The following GHR variants were observed in gnomAD, a reference collection of about 807,000 sequenced individuals.
GHR encodes growth hormone receptor.
Under a neutral mutation model 67.1 loss-of-function variants are expected in GHR, and 35 were observed. The ratio of observed to expected loss-of-function variants is 0.52; its 90% confidence interval spans 0.40 to 0.69. The LOEUF (loss-of-function observed/expected upper bound fraction) is 0.69. Ranked by LOEUF, GHR falls within the 30% of genes least tolerant of loss-of-function variation. GHR has a pLI of 0.00. For synonymous variants in GHR, 272 were observed against 269.1 expected (o/e 1.01, Z -0.10); for missense variants, 792 against 764.6 (o/e 1.04, Z -0.42).
intron 3 of GHR, among the ~76,000 whole-genome samples, chr5:42,654,180 C>G (rs1755138309): frequency 6.6e-6 from 1 of 152,140 alleles, no homozygotes; most frequent in Admixed American, 6.6e-5. Flanking sequence ...CCATCGTTGT[C>G]TCTTACTAAC....
chr5:42,488,893 G>A (rs1173973458), intron 1 of GHR, among the ~76,000 whole-genome samples: 2 of 152,094 alleles, frequency 1.3e-5, no homozygotes, highest in South Asian at 4.2e-4. Flanking sequence ...AGACTATGTT[G>A]CCATCCCCAA....
chr5:42,694,776 C>T (rs1216150064), intron 4 of GHR, 141 bp from the exon 5 acceptor site: 6 of 721,140 alleles, frequency 8.3e-6, no homozygotes, highest in South Asian at 6.3e-5. Context: ...TGATATGTCT[C>T]GGAAATGATG....
Position 42,448,417 on chromosome 5 carries a change from C to A in GHR, c.-12+24462C>A, listed in dbSNP as rs187394255. Among the ~76,000 whole-genome samples, 1,073 of 151,922 alleles carry A rather than the reference C, an allele frequency of 7.1e-3. 5 individuals are homozygous for A. The highest frequency in any genetic ancestry group is 0.02 in the Middle Eastern group (6 of 294). ...TCTTTTGAGAATTGTCTATTCATGT[C>A]CTTTGCCCACTTTTTGATGGGATTA... On this transcript the variant is annotated intron_variant, in intron 1 of 9. Coordinates refer to ENST00000230882, the MANE Select transcript of GHR (RefSeq NM_000163.5).
chr5:42,606,499 C>CAAGA (rs1752636745), intron 2 of GHR, among the ~76,000 whole-genome samples: 1 of 151,926 alleles, frequency 6.6e-6, no homozygotes, highest in African/African-American at 2.4e-5. Flanking sequence ...AGAGATGAGG[C>CAAGA]AAGAAAGAAA....
At chr5:42,506,916 ATTCT>A (rs980633594) in intron 1 of GHR, among the ~76,000 whole-genome samples, 6 of 152,346 alleles carry the variant, frequency 3.9e-5, no homozygotes, top group African/African-American at 1.4e-4. Flanking sequence ...TAACAGCAGT[ATTCT>A]TTGACCTCAC....
intron 1 of GHR, chr5:42,468,595 C>G: frequency 9.8e-7 from 1 of 1,015,690 alleles, no homozygotes; most frequent in Non-Finnish European, 1.5e-6. Context: ...TCTCCTCTTT[C>G]CTGTCAACCA....
At chr5:42,520,260 C>T (rs1032027734) in intron 1 of GHR, among the ~76,000 whole-genome samples, 3 of 152,018 alleles carry the variant, frequency 2.0e-5, no homozygotes, top group Admixed American at 1.3e-4. Flanking sequence ...TCCTAAAGTA[C>T]CTATTATACA....
intron 4 of GHR, among the ~76,000 whole-genome samples, chr5:42,690,265 G>A (rs1335856265): frequency 6.6e-6 from 1 of 152,186 alleles, no homozygotes; most frequent in Admixed American, 6.5e-5. Flanking sequence ...TAACAAACCT[G>A]CACTTCAGTG....
intron 3 of GHR, among the ~76,000 whole-genome samples, chr5:42,644,194 T>C (rs956205214): frequency 1.3e-5 from 2 of 152,156 alleles, no homozygotes; most frequent in Non-Finnish European, 2.9e-5. Flanking sequence ...CCACATGATA[T>C]TATATGTCTC....
chr5:42,689,793 G>A (rs6894403), intron 4 of GHR, among the ~76,000 whole-genome samples: 126,338 of 152,122 alleles, frequency 0.83, 52,741 homozygotes, highest in East Asian at 1. Flanking sequence ...GTGGAAAGCT[G>A]TAGGTGTTTT....
intron 2 of GHR, among the ~76,000 whole-genome samples, chr5:42,592,893 GC>G (rs1751865515): frequency 6.6e-6 from 1 of 152,090 alleles, no homozygotes. Context: ...CTGCAACCTT[GC>G]CAGCATCTGT....
At chr5:42,519,414 G>T (rs1028841403) in intron 1 of GHR, among the ~76,000 whole-genome samples, 1 of 152,150 alleles carries the variant, frequency 6.6e-6, no homozygotes, top group African/African-American at 2.4e-5. Context: ...GTATGGTAAA[G>T]AATACTGGCA....
At chr5:42,506,260 T>C (rs562398371) in intron 1 of GHR, among the ~76,000 whole-genome samples, 43 of 152,332 alleles carry the variant, frequency 2.8e-4, no homozygotes, top group African/African-American at 9.9e-4. Context: ...GTGGAATTTT[T>C]TTCCCAAAAG....
chr5:42,483,601 A>G (rs987205438), intron 1 of GHR, among the ~76,000 whole-genome samples: 1 of 152,316 alleles, frequency 6.6e-6, no homozygotes, highest in Admixed American at 6.5e-5. Context: ...TATGTTATCA[A>G]CCACTTCCTA....
intron 2 of GHR, among the ~76,000 whole-genome samples, chr5:42,588,756 T>C (rs978767500): frequency 6.6e-6 from 1 of 152,180 alleles, no homozygotes; most frequent in Non-Finnish European, 1.5e-5. Context: ...TGAATGTCTT[T>C]TTTTGTTTTC....
At chr5:42,467,156 T>C in intron 1 of GHR, 1 of 1,600,286 alleles carries the variant, frequency 6.2e-7, no homozygotes, top group Non-Finnish European at 8.6e-7. Context: ...CCACTGTGAA[T>C]TCTCTGGTGG....
chr5:42,592,785 C>T (rs1486386191), intron 2 of GHR, among the ~76,000 whole-genome samples: 1 of 152,076 alleles, frequency 6.6e-6, no homozygotes, highest in Non-Finnish European at 1.5e-5. Context: ...GGTAAAATAG[C>T]AGTTCTATTT....
intron 2 of GHR, among the ~76,000 whole-genome samples, chr5:42,628,734 G>A (rs550702522): frequency 1.5e-5 from 2 of 131,968 alleles, no homozygotes; most frequent in African/African-American, 3.2e-5. Flanking sequence ...CTTAACCCTT[G>A]CCTTGCATGG....
intron 1 of GHR, among the ~76,000 whole-genome samples, chr5:42,509,063 C>A (rs572263558): frequency 6.6e-6 from 1 of 152,254 alleles, no homozygotes; most frequent in Non-Finnish European, 1.5e-5. Flanking sequence ...AATAAACATC[C>A]TCACCTCACA....
Sources: gnomAD v4.1 joint callset for allele counts (sites outside exome capture counted in the v4.1 genomes callset) on GRCh38, gnomAD v4.1.1 for gene constraint, MANE v1.5 for transcripts, NCBI Gene and HGNC (gene_info 2026-07-23, HGNC 2026-07-21) for gene names.